LPP: variants seen among roughly 807,000 people sequenced by gnomAD.
LPP encodes LIM domain containing preferred translocation partner in lipoma, also known as lipoma-preferred partner.
A neutral mutation model predicts 60.4 loss-of-function variants in LPP; 38 were observed. The ratio of observed to expected loss-of-function variants is 0.63; its 90% CI spans 0.49 to 0.83. The LOEUF is 0.83. Among genes scored for constraint, LPP ranks in the 40% least tolerant of loss-of-function variants. The pLI, the probability that LPP is intolerant of heterozygous loss-of-function variation, is 0.00. For synonymous variants in LPP, 328 were observed against 290.8 expected, an observed-to-expected ratio of 1.13 and a Z score of -1.30; for missense variants, 902 against 783.6, an observed-to-expected ratio of 1.15 and a Z score of -1.80.
intron 9 of LPP, among the ~76,000 whole-genome samples, chr3:188,765,707 A>ATT (rs11373900): frequency 1.3e-5 from 2 of 149,826 alleles, no homozygotes; most frequent in Non-Finnish European, 3.0e-5. Flanking sequence ...TCAGCAACTA[A>ATT]TTTTTTTTTT....
intron 10 of LPP, among the ~76,000 whole-genome samples, chr3:188,867,028 G>C (rs1050054775): frequency 6.6e-6 from 1 of 152,078 alleles, no homozygotes; most frequent in Admixed American, 6.6e-5. Context: ...AATGCAAATT[G>C]TGTGTTCTTT....
In LPP at chr3:188,888,880, T is replaced by G. The variant is rs1255220339; in HGVS notation, c.*14401T>G. ...TTTATATTTATATCCTACTGGATGG[T>G]AGCATATTGCTAAGGTTTCCTGTAC... On this transcript the variant is annotated 3_prime_UTR_variant, in exon 12 of 12. Transcript: ENST00000617246. The G allele has an allele frequency of 9.1e-6, 2 of 220,208 alleles. No individual in the cohort carries two copies. The highest frequency in any genetic ancestry group is 1.8e-5 in the Non-Finnish European group (2 of 109,774). 13.6% of individuals were successfully genotyped at this position (220,208 alleles called of 1,614,324 possible).
chr3:188,609,179 G>A lies in LPP; in HGVS notation c.448G>A (p.Ala150Thr), dbSNP rs765435070. 1.9e-6 allele frequency: 3 copies of A among 1,609,476 alleles called. No individual in the cohort carries two copies. Among genetic ancestry groups the A allele is most frequent in the South Asian group, 1.1e-5 (1 of 90,812 alleles). Residue 150 changes from alanine (A) to threonine (T), a missense_variant, in exon 7 of 12, where the codon GCC (alanine) becomes ACC (threonine). Physicochemically the swap from Ala to Thr is moderately conservative, Grantham distance 58 (BLOSUM62 0). Transcript: ENST00000617246. This position sits in a 1 kb window ranked among gnomAD's most constrained non-coding sequence, Gnocchi z 6.9. ...RPPQSSTGST[A>T]SPPVSTPVTG... ...TTTTTAGAGCTCCACTGGTTCAACA[G>A]CCTCTCCTCCAGTTTCGACCCCAGT...
rs1008640813 is a variant in LPP at position 188,888,294 on chromosome 3, A to G, written c.*13815A>G. The G allele has an allele frequency of 7.1e-5, 16 of 226,574 alleles. No individual in the cohort carries two copies. Among genetic ancestry groups the G allele is most frequent in the Non-Finnish European group, 1.4e-4 (16 of 113,830 alleles). 14.0% of individuals were successfully genotyped at this position (226,574 alleles called of 1,614,324 possible). A position where few individuals can be genotyped will look rare whatever the true frequency, so the allele number is the denominator to read the frequency against. On this transcript the variant is annotated 3_prime_UTR_variant, in exon 12 of 12. Coordinates refer to ENST00000617246, the MANE Select transcript of LPP (RefSeq NM_001375462.1). ...TTCTAAGTAGCAAATCTGTGCCATGAAGTAGATGTGGCGTGAAGATACAGA... is the reference window on the plus strand; with the variant it reads ...TTCTAAGTAGCAAATCTGTGCCATGGAGTAGATGTGGCGTGAAGATACAGA...
Position 188,880,710 on chromosome 3 carries a change from G to T in LPP, c.*6231G>T, listed in dbSNP as rs879096956. The T allele has an allele frequency of 4.3e-5, 8 of 184,970 alleles. No homozygotes were observed. In the South Asian group the frequency reaches 1.2e-3, roughly 27 times the overall value. The allele number at this position is 184,970 out of a possible 1,614,324, so 11.5% of individuals were successfully genotyped here. ...AAAACGTTATTAAACAGCCACAATC[G>T]CATTCAGTCAACTTGGCACTGAATG... On this transcript the variant is annotated 3_prime_UTR_variant, in exon 12 of 12. Transcript: ENST00000617246.
chr3:188,776,519 C>A (rs1435239897), intron 9 of LPP, among the ~76,000 whole-genome samples: 1 of 152,102 alleles, frequency 6.6e-6, no homozygotes. Flanking sequence ...GGCTTTTTCA[C>A]AAAAGTATCA....
chr3:188,867,695 G>A (rs570862012), intron 10 of LPP, among the ~76,000 whole-genome samples: 1 of 152,288 alleles, frequency 6.6e-6, no homozygotes, highest in African/African-American at 2.4e-5. Flanking sequence ...GATATGATCT[G>A]TAAATGGTGG....
chr3:188,379,078 A>T (rs968463761), intron 3 of LPP, among the ~76,000 whole-genome samples: 20 of 150,230 alleles, frequency 1.3e-4, no homozygotes, highest in Non-Finnish European at 2.2e-4. Flanking sequence ...CAAGATAAGG[A>T]CCATTTTCTT....
intron 6 of LPP, among the ~76,000 whole-genome samples, chr3:188,530,274 T>G (rs1212522269): frequency 6.6e-6 from 1 of 152,170 alleles, no homozygotes; most frequent in Admixed American, 6.5e-5. Context: ...GATTTTGGAG[T>G]AATGACTTTA....
At chr3:188,333,813 A>G (rs539901730) in intron 2 of LPP, among the ~76,000 whole-genome samples, 26 of 152,340 alleles carry the variant, frequency 1.7e-4, no homozygotes, top group African/African-American at 6.3e-4. Context: ...TACAATGTGT[A>G]AAGATCAAAT....
intron 3 of LPP, among the ~76,000 whole-genome samples, chr3:188,389,248 C>G (rs1344564802): frequency 6.6e-6 from 1 of 150,530 alleles, no homozygotes. Flanking sequence ...ACCTGATGTC[C>G]CAATACCCTG....
At chr3:188,350,061 T>C (rs1223263939) in intron 3 of LPP, among the ~76,000 whole-genome samples, 1 of 152,224 alleles carries the variant, frequency 6.6e-6, no homozygotes, top group South Asian at 2.1e-4. Flanking sequence ...CTTCTGAGCT[T>C]GTCAGAGGCA....
chr3:188,731,088 A>G (rs746053641), intron 8 of LPP, among the ~76,000 whole-genome samples: 49 of 152,204 alleles, frequency 3.2e-4, no homozygotes, highest in Admixed American at 3.9e-4. Context: ...TAGCATGTTC[A>G]TAGGTTTCAA....
At chr3:188,671,577 G>T (rs906766677) in intron 7 of LPP, among the ~76,000 whole-genome samples, 3 of 152,144 alleles carry the variant, frequency 2.0e-5, no homozygotes, top group Non-Finnish European at 2.9e-5. Context: ...TTTCGTTAAT[G>T]TTAAGAATCT....
chr3:188,377,703 A>G (rs951957240), intron 3 of LPP, among the ~76,000 whole-genome samples: 4 of 152,030 alleles, frequency 2.6e-5, no homozygotes, highest in African/African-American at 7.2e-5. Context: ...TCTTCTCTCA[A>G]CTTGTCAAAG....
At chr3:188,364,142 A>G (rs1318418258) in intron 3 of LPP, among the ~76,000 whole-genome samples, 1 of 152,140 alleles carries the variant, frequency 6.6e-6, no homozygotes, top group African/African-American at 2.4e-5. Flanking sequence ...GGGGATTCAG[A>G]GTTATTACCA....
At chr3:188,749,862 TC>T (rs1298543450) in intron 8 of LPP, among the ~76,000 whole-genome samples, 1 of 152,250 alleles carries the variant, frequency 6.6e-6, no homozygotes, top group African/African-American at 2.4e-5. Context: ...TATTCTAAAT[TC>T]GTATCTCCCA....
rs187811529 is a variant in LPP, at chr3:188,407,158, T to C, written c.193+845T>C. ...GCAGTGAAAGGAGATTTAACTCCCTTTGTTTTCTGTCCCTGTCCCACCATT... is the reference window on the plus strand; with the variant it reads ...GCAGTGAAAGGAGATTTAACTCCCTCTGTTTTCTGTCCCTGTCCCACCATT... On this transcript the variant is annotated intron_variant, in intron 4 of 11. Coordinates refer to ENST00000617246, the MANE Select transcript of LPP (RefSeq NM_001375462.1). 2.0e-5 allele frequency among the ~76,000 whole-genome samples: 3 copies of C among 152,140 alleles called. No individual in the cohort carries two copies. The East Asian group carries it at 5.8e-4, about 29-fold the overall frequency.
chr3:188,522,136 A>G (rs757062106), intron 5 of LPP, among the ~76,000 whole-genome samples: 5 of 152,368 alleles, frequency 3.3e-5, no homozygotes, highest in Admixed American at 6.5e-5. Context: ...TGTTTCCAGT[A>G]TACAGACCTG....
Sources: allele counts gnomAD v4.1 joint callset (sites outside exome capture counted in the v4.1 genomes callset), GRCh38; gene constraint gnomAD v4.1.1; non-coding constraint Gnocchi (gnomAD v3.1); transcripts MANE v1.5; gene names NCBI Gene and HGNC (gene_info 2026-07-23, HGNC 2026-07-21).